Variants in REEP1 observed in about 807,000 individuals in gnomAD.
REEP1 encodes receptor expression-enhancing protein 1.
A neutral mutation model predicts 40.3 loss-of-function variants in REEP1; 22 were observed. The observed-to-expected ratio is 0.55, with a 90% CI of 0.39 to 0.78. The LOEUF (loss-of-function observed/expected upper bound fraction) is 0.78, where lower values mean the gene tolerates loss of function less well. Among genes scored for constraint, REEP1 ranks in the 30% least tolerant of loss-of-function variants. The pLI is 0.00. For synonymous variants in REEP1, 116 were observed against 139.2 expected (o/e 0.83, Z 1.17); for missense variants, 280 against 361.1 (o/e 0.78, Z 1.82).
intron 5 of REEP1, among the ~76,000 whole-genome samples, chr2:86,249,505 G>T (rs1179521714): frequency 6.6e-6 from 1 of 152,154 alleles, no homozygotes; most frequent in African/African-American, 2.4e-5. Context: ...TGGGGTCTCA[G>T]GCAGTGACTT....
chr2:86,243,468 A>G (rs1675777668), intron 5 of REEP1, among the ~76,000 whole-genome samples: 1 of 152,082 alleles, frequency 6.6e-6, no homozygotes, highest in African/African-American at 2.4e-5. Flanking sequence ...CGGACCGCCA[A>G]CTCCGTGTGA....
intron 5 of REEP1, chr2:86,251,628 C>T (rs1384837836): frequency 1.1e-5 from 4 of 374,762 alleles, no homozygotes; most frequent in Non-Finnish European, 2.1e-5. Flanking sequence ...TCTCCCAGGC[C>T]TAAGTGCCAA....
At chr2:86,333,821 T>C (rs899417139) in intron 1 of REEP1, among the ~76,000 whole-genome samples, 5 of 152,226 alleles carry the variant, frequency 3.3e-5, no homozygotes, top group Non-Finnish European at 5.9e-5. Context: ...CTGTGTCCCA[T>C]GAAGGTATCA....
intron 7 of REEP1, among the ~76,000 whole-genome samples, chr2:86,225,777 T>TGACA (rs1346641530): frequency 2.6e-5 from 4 of 152,358 alleles, no homozygotes; most frequent in African/African-American, 9.6e-5. Flanking sequence ...CTTCCTCCCC[T>TGACA]GACACCAGCC....
chr2:86,330,265 G>C (rs1680704801), intron 1 of REEP1, among the ~76,000 whole-genome samples: 1 of 152,120 alleles, frequency 6.6e-6, no homozygotes, highest in African/African-American at 2.4e-5. Context: ...CAACATATAT[G>C]CTGGTCATTA....
intron 5 of REEP1, among the ~76,000 whole-genome samples, chr2:86,246,103 C>T (rs1675940237): frequency 2.0e-5 from 3 of 152,164 alleles, no homozygotes; most frequent in Non-Finnish European, 4.4e-5. Context: ...TAAACAGCTA[C>T]ATGTGGCAAG....
chr2:86,268,179 A>T (rs190319488), intron 2 of REEP1, among the ~76,000 whole-genome samples: 1 of 150,792 alleles, frequency 6.6e-6, no homozygotes, highest in Non-Finnish European at 1.5e-5. Context: ...AAACATATAC[A>T]GACTGGGAAG....
At chr2:86,243,153 A>G (rs529734332) in intron 5 of REEP1, among the ~76,000 whole-genome samples, 1 of 152,098 alleles carries the variant, frequency 6.6e-6, no homozygotes, top group African/African-American at 2.4e-5. Flanking sequence ...GTGCTAGGAG[A>G]GAGAGGAGAG....
chr2:86,303,988 T>C (rs1437456390), intron 1 of REEP1, among the ~76,000 whole-genome samples: 1 of 152,154 alleles, frequency 6.6e-6, no homozygotes, highest in African/African-American at 2.4e-5. Context: ...ACTGAAAATA[T>C]GAAGCCGACC....
chr2:86,297,323 C>T (rs550379088), intron 1 of REEP1, among the ~76,000 whole-genome samples: 8 of 152,278 alleles, frequency 5.3e-5, no homozygotes, highest in Non-Finnish European at 1.2e-4. Flanking sequence ...GGTTCATGGA[C>T]AAGAGCCCAG....
intron 5 of REEP1, among the ~76,000 whole-genome samples, chr2:86,245,134 G>A (rs537785548): frequency 5.9e-5 from 9 of 152,044 alleles, no homozygotes; most frequent in African/African-American, 2.2e-4. Flanking sequence ...GCAAGAGTGA[G>A]ACACCGTCTC....
chr2:86,319,089 T>C (rs1042205038), intron 1 of REEP1, among the ~76,000 whole-genome samples: 3 of 151,810 alleles, frequency 2.0e-5, no homozygotes, highest in African/African-American at 7.2e-5. Context: ...TTACAGGGCT[T>C]GACAGAGTGT....
At chr2:86,230,941 G>A (rs1421791664) in intron 6 of REEP1, among the ~76,000 whole-genome samples, 1 of 152,202 alleles carries the variant, frequency 6.6e-6, no homozygotes, top group Non-Finnish European at 1.5e-5. Context: ...GGTAGATGAT[G>A]AGCTGATGCA....
At chr2:86,299,344 C>T (rs529427773) in intron 1 of REEP1, among the ~76,000 whole-genome samples, 1 of 152,202 alleles carries the variant, frequency 6.6e-6, no homozygotes, top group Non-Finnish European at 1.5e-5. Flanking sequence ...CAGCATTATC[C>T]CTGGGCTTTA....
intron 5 of REEP1, among the ~76,000 whole-genome samples, chr2:86,246,822 C>T (rs1675985493): frequency 1.3e-5 from 2 of 151,746 alleles, no homozygotes; most frequent in South Asian, 4.2e-4. Context: ...CTGTCTCAGC[C>T]TTCCGAGTAG....
At chr2:86,240,606 G>A (rs998184924) in intron 5 of REEP1, among the ~76,000 whole-genome samples, 4 of 152,174 alleles carry the variant, frequency 2.6e-5, no homozygotes, top group African/African-American at 9.7e-5. Flanking sequence ...AAGAGGCTTT[G>A]GTGCCAGTGA....
At chr2:86,284,861 C>T (rs1010976888) in intron 1 of REEP1, among the ~76,000 whole-genome samples, 4 of 152,146 alleles carry the variant, frequency 2.6e-5, no homozygotes, top group East Asian at 1.9e-4. Flanking sequence ...CAGCATCCTC[C>T]GCCTGGCTCC....
chr2:86,297,682 A>G (rs1277318690), intron 1 of REEP1: 1 of 984,598 alleles, frequency 1.0e-6, no homozygotes, highest in Non-Finnish European at 1.2e-6. Context: ...TCCAAGGTGG[A>G]TGTTTTCTGA....
intron 5 of REEP1, among the ~76,000 whole-genome samples, chr2:86,243,668 G>T (rs1156780457): frequency 6.6e-6 from 1 of 152,162 alleles, no homozygotes; most frequent in Non-Finnish European, 1.5e-5. Flanking sequence ...GTGAAACTTG[G>T]GTACGAGTTG....
Sources: gnomAD v4.1 joint callset for allele counts (sites outside exome capture counted in the v4.1 genomes callset) on GRCh38, gnomAD v4.1.1 for gene constraint, MANE v1.5 for transcripts, NCBI Gene and HGNC (gene_info 2026-07-23, HGNC 2026-07-21) for gene names.